Variants in PLCB1 observed in about 807,000 individuals in gnomAD.
The protein encoded by PLCB1 is phospholipase C beta 1, also known as 1-phosphatidylinositol 4,5-bisphosphate phosphodiesterase beta-1.
In PLCB1, 46 loss-of-function variants were observed where a neutral mutation model predicts 161.8. The ratio of observed to expected loss-of-function variants is 0.28; its 90% confidence interval spans 0.22 to 0.36. The LOEUF is 0.36. PLCB1 is among the 10% of genes least tolerant of loss of function. PLCB1 has a pLI of 1.00. For missense variants in PLCB1, 1,016 were observed against 1,472.5 expected (o/e 0.69, Z 5.07); for synonymous variants, 517 against 503.7 (o/e 1.03, Z -0.35).
intron 1 of PLCB1, among the ~76,000 whole-genome samples, chr20:8,145,396 A>T (rs2051443661): frequency 6.6e-6 from 1 of 152,206 alleles, no homozygotes; most frequent in Non-Finnish European, 1.5e-5. Flanking sequence ...ACTTTGAGGT[A>T]CTGGGGATTA....
At chr20:8,589,147 G>A (rs951111689) in intron 3 of PLCB1, among the ~76,000 whole-genome samples, 5 of 152,114 alleles carry the variant, frequency 3.3e-5, no homozygotes, top group African/African-American at 7.2e-5. Context: ...GCTTAGTTGT[G>A]CACTTCTCTC....
intron 2 of PLCB1, among the ~76,000 whole-genome samples, chr20:8,360,925 G>A (rs1986518538): frequency 6.6e-6 from 1 of 152,252 alleles, no homozygotes; most frequent in Non-Finnish European, 1.5e-5. Context: ...TGGAGAAAAT[G>A]AGACTATCCA....
intron 2 of PLCB1, among the ~76,000 whole-genome samples, chr20:8,177,211 A>G (rs1431788129): frequency 1.3e-5 from 2 of 152,168 alleles, no homozygotes; most frequent in Non-Finnish European, 2.9e-5. Flanking sequence ...CTCTGCCCTC[A>G]TGAATGGGAT....
intron 2 of PLCB1, among the ~76,000 whole-genome samples, chr20:8,200,933 A>T (rs2052085701): frequency 6.6e-6 from 1 of 152,060 alleles, no homozygotes; most frequent in Admixed American, 6.6e-5. Context: ...TCGCTGAAGG[A>T]TTTAGAAAAA....
intron 31 of PLCB1, among the ~76,000 whole-genome samples, chr20:8,798,514 G>T (rs73603786): frequency 0.049 from 7,490 of 152,218 alleles, 476 homozygotes; most frequent in African/African-American, 0.15. Flanking sequence ...AGTAGGCTTG[G>T]TGACTAGAGT....
chr20:8,800,608 C>T (rs1042410873), intron 31 of PLCB1, among the ~76,000 whole-genome samples: 5 of 152,130 alleles, frequency 3.3e-5, no homozygotes, highest in Non-Finnish European at 5.9e-5. Context: ...TAGCCAGCAG[C>T]ATGTGCCTGT....
At chr20:8,701,325 C>T (rs1600260924) in intron 11 of PLCB1, among the ~76,000 whole-genome samples, 1 of 152,280 alleles carries the variant, frequency 6.6e-6, no homozygotes, top group Non-Finnish European at 1.5e-5. Flanking sequence ...CAGGCTGGCC[C>T]CGCCTCACAG....
chr20:8,804,552 A>G (rs1286863122), intron 31 of PLCB1, among the ~76,000 whole-genome samples: 1 of 152,354 alleles, frequency 6.6e-6, no homozygotes, highest in East Asian at 1.9e-4. Flanking sequence ...AAAAAAGAAC[A>G]AAACGTTCTT....
At chr20:8,567,905 T>C (rs1036864149) in intron 3 of PLCB1, among the ~76,000 whole-genome samples, 2 of 152,180 alleles carry the variant, frequency 1.3e-5, no homozygotes, top group African/African-American at 4.8e-5. Flanking sequence ...TGAAGTCAAT[T>C]TATACTTTAA....
intron 2 of PLCB1, among the ~76,000 whole-genome samples, chr20:8,323,663 C>T (rs1317565270): frequency 6.6e-6 from 1 of 152,130 alleles, no homozygotes; most frequent in African/African-American, 2.4e-5. Context: ...CTAGGCTTCT[C>T]TAGGTTAGAA....
intron 2 of PLCB1, among the ~76,000 whole-genome samples, chr20:8,181,641 G>T (rs2051844637): frequency 6.6e-6 from 1 of 152,058 alleles, no homozygotes; most frequent in African/African-American, 2.4e-5. Context: ...AGAATGAACA[G>T]ACTAGCTGTT....
At chr20:8,381,660 G>A (rs1257784102) in intron 3 of PLCB1, among the ~76,000 whole-genome samples, 1 of 152,118 alleles carries the variant, frequency 6.6e-6, no homozygotes, top group African/African-American at 2.4e-5. Flanking sequence ...CTTCTTCCTG[G>A]TTTAGTCTTG....
chr20:8,463,083 A>G (rs1981652858), intron 3 of PLCB1, among the ~76,000 whole-genome samples: 1 of 151,614 alleles, frequency 6.6e-6, no homozygotes, highest in Admixed American at 6.6e-5. Flanking sequence ...ATTCATGCCC[A>G]TTCATCTTCT....
At chr20:8,541,467 C>CA (rs1985311990) in intron 3 of PLCB1, among the ~76,000 whole-genome samples, 1 of 151,992 alleles carries the variant, frequency 6.6e-6, no homozygotes, top group Admixed American at 6.6e-5. Context: ...CTGTGTCTGG[C>CA]ACTGCATTGG....
chr20:8,746,858 G>A (rs965410976), intron 23 of PLCB1, among the ~76,000 whole-genome samples: 7 of 152,182 alleles, frequency 4.6e-5, no homozygotes, highest in African/African-American at 1.2e-4. Context: ...TGCATGTTAA[G>A]TGTGAAGACC....
At chr20:8,557,957 T>C (rs1210031808) in intron 3 of PLCB1, among the ~76,000 whole-genome samples, 1 of 151,796 alleles carries the variant, frequency 6.6e-6, no homozygotes, top group Non-Finnish European at 1.5e-5. Context: ...AGATATTGGA[T>C]CTACTAACTA....
chr20:8,529,428 C>T (rs1372627461), intron 3 of PLCB1, among the ~76,000 whole-genome samples: 3 of 151,862 alleles, frequency 2.0e-5, no homozygotes, highest in Non-Finnish European at 4.4e-5. Flanking sequence ...GGAACATTTG[C>T]AGGGATTTTA....
At position 8,255,395 on chromosome 20, in the gene PLCB1, A is replaced by G. The variant is rs1186436584; in HGVS notation, c.177+105024A>G. The stretch of plus-strand genomic sequence containing the variant: ...TTGTGACTCATTGCTCAGAAACAAA[A>G]CAGAACAAGACAAATTCAATAACAA... On this transcript the variant is annotated intron_variant, in intron 2 of 31. Coordinates refer to ENST00000338037, the MANE Select transcript of PLCB1 (RefSeq NM_015192.4). 3.9e-5 allele frequency among the ~76,000 whole-genome samples: 6 copies of G among 152,114 alleles called. No homozygotes were observed. The East Asian group carries it at 1.2e-3, about 29-fold the overall frequency.
intron 31 of PLCB1, among the ~76,000 whole-genome samples, chr20:8,865,449 A>G (rs992849641): frequency 1.3e-5 from 2 of 152,340 alleles, no homozygotes; most frequent in East Asian, 3.9e-4. Context: ...CCTGACCTCA[A>G]AATAAATCAT....
Sources: allele counts gnomAD v4.1 joint callset (sites outside exome capture counted in the v4.1 genomes callset), GRCh38; gene constraint gnomAD v4.1.1; transcripts MANE v1.5; gene names NCBI Gene and HGNC (gene_info 2026-07-23, HGNC 2026-07-21).